Variants in EFCAB10 observed in about 807,000 individuals in gnomAD.
EFCAB10 encodes EF-hand calcium-binding domain-containing protein 10.
Under a neutral mutation model 7.7 loss-of-function variants are expected in EFCAB10, and 7 were observed. The observed-to-expected ratio is 0.91, with a 90% confidence interval of 0.52 to 1.72. EFCAB10 has a LOEUF of 1.72. Ranked by LOEUF, EFCAB10 falls within the 40% of genes most tolerant of loss-of-function variation. EFCAB10 has a pLI of 0.00. For synonymous variants in EFCAB10, 52 were observed against 21.0 expected (o/e 2.47, Z -4.03); for missense variants, 112 against 61.5 (o/e 1.82, Z -2.74).
chr7:105,570,488 AAAG>A (rs1288896490), intron 1 of EFCAB10, among the ~76,000 whole-genome samples: 5 of 151,772 alleles, frequency 3.3e-5, no homozygotes, highest in Non-Finnish European at 7.4e-5. Context: ...AAAAAGCCAA[AAAG>A]AGTAGTGATA....
At chr7:105,580,339 T>C (rs1792192417) in intron 1 of EFCAB10, among the ~76,000 whole-genome samples, 1 of 152,050 alleles carries the variant, frequency 6.6e-6, no homozygotes, top group African/African-American at 2.4e-5. Context: ...CCCGGCTAAT[T>C]TTTTGTATTT....
At chr7:105,577,845 A>G (rs1792121725) in intron 1 of EFCAB10, among the ~76,000 whole-genome samples, 1 of 152,006 alleles carries the variant, frequency 6.6e-6, no homozygotes, top group Non-Finnish European at 1.5e-5. Context: ...CAGCCTCCCG[A>G]ATAACTGATT....
intron 4 of EFCAB10, among the ~76,000 whole-genome samples, chr7:105,565,854 G>T (rs776835992): frequency 2.0e-5 from 3 of 152,226 alleles, no homozygotes; most frequent in African/African-American, 7.2e-5. Context: ...TTCAGAACTA[G>T]ATATAAATTA....
At chr7:105,574,808 G>C (rs868198128) in intron 1 of EFCAB10, among the ~76,000 whole-genome samples, 1 of 151,684 alleles carries the variant, frequency 6.6e-6, no homozygotes, top group Non-Finnish European at 1.5e-5. Context: ...TAAAACCATC[G>C]GATCAGGTCA....
At chr7:105,570,240 A>AAAT (rs35907051) in intron 1 of EFCAB10, among the ~76,000 whole-genome samples, 9 of 24,910 alleles carry the variant, frequency 3.6e-4, no homozygotes, top group Admixed American at 6.6e-4. Context: ...AAAAAAAAAA[A>AAAT]ATATATATAT....
At chr7:105,573,755 C>T (rs890696645) in intron 1 of EFCAB10, 1 of 152,150 alleles carries the variant, frequency 6.6e-6, no homozygotes, top group East Asian at 1.9e-4. Flanking sequence ...TGGATCATTT[C>T]ATTTACTCCT....
chr7:105,575,674 AC>A (rs1266234952), intron 1 of EFCAB10, among the ~76,000 whole-genome samples: 6 of 152,160 alleles, frequency 3.9e-5, no homozygotes, highest in Admixed American at 3.3e-4. Context: ...GCCCAATTAA[AC>A]TGTCTAGTCT....
In EFCAB10 at chr7:105,581,369, A is replaced by G; in HGVS notation, c.95T>C (p.Phe32Ser). 1 of 702,946 alleles carries G rather than the reference A, an allele frequency of 1.4e-6. No homozygotes were observed. Among genetic ancestry groups the G allele is most frequent in the Non-Finnish European group, 2.6e-6 (1 of 384,948 alleles). 43.5% of individuals were successfully genotyped at this position (702,946 alleles called of 1,614,324 possible). The change falls in exon 1 of 5, where the codon TTC becomes TCC. Residue 32 changes from phenylalanine to serine, a missense_variant. Phe to Ser is a radical substitution (Grantham distance 155, BLOSUM62 -2). Transcript: ENST00000480514. ...ATGGGGGCCCTTACCCGGCCGAAAGAAAAGGAGGGCGCTGGTGAGGTAGCT... is the reference window on the plus strand; with the variant it reads ...ATGGGGGCCCTTACCCGGCCGAAAGGAAAGGAGGGCGCTGGTGAGGTAGCT... ...VVSYLTSALL[F>S]FRPEKPKEYL...
At chr7:105,580,666 T>G (rs1264988527) in intron 1 of EFCAB10, among the ~76,000 whole-genome samples, 2 of 152,134 alleles carry the variant, frequency 1.3e-5, no homozygotes, top group Non-Finnish European at 2.9e-5. Context: ...ATGTTTGGTA[T>G]TTCCACTTCC....
chr7:105,579,274 G>C (rs1792163810), intron 1 of EFCAB10, among the ~76,000 whole-genome samples: 1 of 152,150 alleles, frequency 6.6e-6, no homozygotes, highest in East Asian at 1.9e-4. Context: ...GTCGTCTTAG[G>C]ATCAGAGTGA....
Position 105,581,343 on chromosome 7 carries a change from C to T in EFCAB10, c.106+15G>A, listed in dbSNP as rs1792230397. ...ACATGGAGGTATGGCTGTACCGGGG[C>T]ATGGGGGCCCTTACCCGGCCGAAAG... On this transcript the variant is annotated intron_variant, in intron 1 of 4. Transcript: ENST00000480514. The T allele has an allele frequency of 4.3e-6, 3 of 702,632 alleles. No homozygotes were observed. In the South Asian group the frequency reaches 4.4e-5, roughly 10 times the overall value. The allele number at this position is 702,632 out of a possible 1,614,324, so 43.5% of individuals were successfully genotyped here. A position where few individuals can be genotyped will look rare whatever the true frequency, so the allele number is the denominator to read the frequency against.
intron 1 of EFCAB10, among the ~76,000 whole-genome samples, chr7:105,578,965 G>A (rs1792155011): frequency 6.6e-6 from 1 of 152,028 alleles, no homozygotes; most frequent in Admixed American, 6.6e-5. Flanking sequence ...TAGAGATGGG[G>A]TTTCACCATG....
chr7:105,573,931 A>C (rs916502874), intron 1 of EFCAB10, among the ~76,000 whole-genome samples: 2 of 152,098 alleles, frequency 1.3e-5, no homozygotes, highest in Admixed American at 6.6e-5. Flanking sequence ...AATAGCTTTC[A>C]AATTCATTTT....
At chr7:105,569,873 CAT>C (rs575573249) in intron 1 of EFCAB10, among the ~76,000 whole-genome samples, 1 of 151,948 alleles carries the variant, frequency 6.6e-6, no homozygotes, top group Admixed American at 6.6e-5. Context: ...AAACCAAAAA[CAT>C]AGAGGGAACA....
intron 3 of EFCAB10, among the ~76,000 whole-genome samples, chr7:105,568,899 G>A (rs546608320): frequency 3.4e-5 from 5 of 148,490 alleles, no homozygotes; most frequent in Non-Finnish European, 5.9e-5. Context: ...GCAGTGAGCC[G>A]ACATATTGCC....
intron 1 of EFCAB10, among the ~76,000 whole-genome samples, chr7:105,575,909 T>C (rs1219074294): frequency 6.6e-6 from 1 of 151,948 alleles, no homozygotes; most frequent in Non-Finnish European, 1.5e-5. Context: ...TGGTGGCACA[T>C]GCCTGTAATC....
chr7:105,581,180 G>T (rs1695604907), intron 1 of EFCAB10, among the ~76,000 whole-genome samples, 178 bp downstream of exon 1: 2 of 152,190 alleles, frequency 1.3e-5, no homozygotes, highest in Non-Finnish European at 2.9e-5. Context: ...AGTGAAATGA[G>T]ATCACGCCAT....
intron 1 of EFCAB10, chr7:105,573,547 A>C (rs757015447): frequency 6.6e-6 from 1 of 152,236 alleles, no homozygotes; most frequent in Non-Finnish European, 1.5e-5. Context: ...AATGATCACA[A>C]CATAAATATA....
chr7:105,570,896 G>A (rs1314129295), intron 1 of EFCAB10, among the ~76,000 whole-genome samples: 2 of 151,976 alleles, frequency 1.3e-5, no homozygotes, highest in Non-Finnish European at 2.9e-5. Context: ...GTGGTGACGG[G>A]TGCCTGTAGT....
Sources: allele counts gnomAD v4.1 joint callset (sites outside exome capture counted in the v4.1 genomes callset), GRCh38; gene constraint gnomAD v4.1.1; transcripts MANE v1.5; gene names NCBI Gene and HGNC (gene_info 2026-07-23, HGNC 2026-07-21).